CPQ: variants seen among roughly 807,000 people sequenced by gnomAD.
CPQ encodes the protein Ser-Met dipeptidase.
In CPQ, 37 loss-of-function variants were observed where a neutral mutation model predicts 45.7. The ratio of observed to expected loss-of-function variants is 0.81; its 90% CI spans 0.62 to 1.07. The LOEUF is 1.07. CPQ is among the 50% of genes least tolerant of loss of function. The pLI is 0.00. For missense variants in CPQ, 537 were observed against 572.9 expected, an observed-to-expected ratio of 0.94 and a Z score of 0.64; for synonymous variants, 186 against 205.8, an observed-to-expected ratio of 0.90 and a Z score of 0.82.
chr8:96,668,288 T>C (rs1343355552), intron 1 of CPQ, among the ~76,000 whole-genome samples: 1 of 152,218 alleles, frequency 6.6e-6, no homozygotes, highest in Non-Finnish European at 1.5e-5. Context: ...CAAGTTACCA[T>C]AATATATGTC....
intron 6 of CPQ, among the ~76,000 whole-genome samples, chr8:97,064,188 T>G (rs1367360711): frequency 6.6e-6 from 1 of 152,144 alleles, no homozygotes; most frequent in East Asian, 1.9e-4. Context: ...ATGGAAACCC[T>G]CACAAACAAG....
chr8:96,677,965 G>A (rs192208407), intron 1 of CPQ, among the ~76,000 whole-genome samples: 19 of 151,756 alleles, frequency 1.3e-4, no homozygotes, highest in Admixed American at 5.9e-4. Context: ...GCTTTGTTGC[G>A]GATCAGCACT....
chr8:97,049,349 G>A (rs1183814162), intron 6 of CPQ, among the ~76,000 whole-genome samples: 1 of 152,174 alleles, frequency 6.6e-6, no homozygotes, highest in Non-Finnish European at 1.5e-5. Context: ...AGACCCAAAG[G>A]ATGTCAAAGG....
intron 2 of CPQ, among the ~76,000 whole-genome samples, chr8:96,821,240 T>C (rs1320446809): frequency 6.6e-6 from 1 of 150,882 alleles, no homozygotes; most frequent in Non-Finnish European, 1.5e-5. Context: ...TCATTCTGTG[T>C]GTTGTCTTTT....
At chr8:96,747,739 C>G (rs1810209186) in intron 1 of CPQ, among the ~76,000 whole-genome samples, 1 of 152,140 alleles carries the variant, frequency 6.6e-6, no homozygotes, top group Non-Finnish European at 1.5e-5. Context: ...CAGACCATAG[C>G]CTTTGGAGTA....
At chr8:97,018,866 A>G (rs2130451535) in intron 5 of CPQ, among the ~76,000 whole-genome samples, 1 of 152,336 alleles carries the variant, frequency 6.6e-6, no homozygotes, top group Middle Eastern at 3.4e-3. Flanking sequence ...TCATCCAAAT[A>G]CAAGAAACTC....
chr8:96,913,574 T>C (rs528083161), intron 4 of CPQ, among the ~76,000 whole-genome samples: 43 of 152,312 alleles, frequency 2.8e-4, no homozygotes, highest in Admixed American at 1.0e-3. Context: ...TCAAGCTTTA[T>C]TGGATGATAG....
chr8:97,011,201 G>T (rs995146402), intron 5 of CPQ, among the ~76,000 whole-genome samples: 4 of 152,106 alleles, frequency 2.6e-5, no homozygotes, highest in African/African-American at 9.7e-5. Flanking sequence ...TTCCAATGTT[G>T]TTCAACTTCT....
At chr8:96,869,822 T>C (rs1054131727) in intron 3 of CPQ, among the ~76,000 whole-genome samples, 1 of 152,040 alleles carries the variant, frequency 6.6e-6, no homozygotes, top group Non-Finnish European at 1.5e-5. Flanking sequence ...AATAACTAAA[T>C]GGTAAAGTTA....
At chr8:96,936,753 G>C (rs992444703) in intron 4 of CPQ, among the ~76,000 whole-genome samples, 2 of 152,180 alleles carry the variant, frequency 1.3e-5, no homozygotes, top group Non-Finnish European at 2.9e-5. Context: ...CTGGGGAAGG[G>C]AGTATGGTCT....
Position 96,720,041 on chromosome 8 carries a change from A to T in CPQ, c.-34-64823A>T, listed in dbSNP as rs984597401. ...TGTATTGCTTCTTGGAGAAAAGTTC[A>T]CAGTGTGAATCTCTGTGCACTATTT... On this transcript the variant is annotated intron_variant, in intron 1 of 7. Coordinates refer to ENST00000220763, the MANE Select transcript of CPQ (RefSeq NM_016134.4). Among the ~76,000 whole-genome samples, 42 of 152,232 alleles carry T rather than the reference A, an allele frequency of 2.8e-4. 1 individual carries two copies.
In CPQ at chr8:96,964,951, G is replaced by A. The variant is rs1586470311; in HGVS notation, c.850-984G>A. ...ACTTGGTTTATAACTTGTTTGAAAT[G>A]TGTCCACAAAATTTAGTTTCAGTGA... On this transcript the variant is annotated intron_variant, in intron 4 of 7. Transcript: ENST00000220763. 4.6e-5 allele frequency among the ~76,000 whole-genome samples: 7 copies of A among 152,100 alleles called. 1 individual carries two copies. The highest frequency in any genetic ancestry group is 3.9e-4 in the Admixed American group (6 of 15,274).
intron 5 of CPQ, among the ~76,000 whole-genome samples, chr8:97,024,943 G>A (rs1240493644): frequency 1.3e-5 from 2 of 152,196 alleles, no homozygotes; most frequent in Admixed American, 1.3e-4. Context: ...TTAGATCACA[G>A]AAGGGAGAAT....
At chr8:97,021,051 C>T (rs553435824) in intron 5 of CPQ, among the ~76,000 whole-genome samples, 38 of 152,072 alleles carry the variant, frequency 2.5e-4, no homozygotes, top group African/African-American at 8.0e-4. Context: ...ATACCAGGGA[C>T]GCAGGAATGG....
intron 1 of CPQ, among the ~76,000 whole-genome samples, chr8:96,747,028 C>T (rs907610337): frequency 2.0e-5 from 3 of 152,092 alleles, no homozygotes; most frequent in Non-Finnish European, 1.5e-5. Context: ...CAGTGGCTCA[C>T]GCCTGTAATC....
chr8:96,843,213 G>A (rs2130854711), intron 3 of CPQ, among the ~76,000 whole-genome samples: 1 of 152,170 alleles, frequency 6.6e-6, no homozygotes, highest in East Asian at 1.9e-4. Flanking sequence ...GCCTTTTGTG[G>A]GGTTTAAAAG....
At chr8:97,027,759 C>A (rs1809826551) in intron 5 of CPQ, among the ~76,000 whole-genome samples, 3 of 152,162 alleles carry the variant, frequency 2.0e-5, no homozygotes, top group Non-Finnish European at 4.4e-5. Flanking sequence ...TTATTGGGCA[C>A]CTAATGTGTG....
intron 1 of CPQ, among the ~76,000 whole-genome samples, chr8:96,780,043 G>T (rs1192008456): frequency 6.6e-6 from 1 of 152,038 alleles, no homozygotes; most frequent in African/African-American, 2.4e-5. Context: ...TTATACTCTG[G>T]GAAGCTAAGA....
chr8:97,069,433 T>A (rs2513400), intron 7 of CPQ, among the ~76,000 whole-genome samples: 1 of 148,798 alleles, frequency 6.7e-6, no homozygotes, highest in Non-Finnish European at 1.5e-5. Context: ...GAGTTTAAGA[T>A]CAGCCTGGGC....
Sources: gnomAD v4.1 joint callset for allele counts (sites outside exome capture counted in the v4.1 genomes callset) on GRCh38, gnomAD v4.1.1 for gene constraint, MANE v1.5 for transcripts, NCBI Gene and HGNC (gene_info 2026-07-23, HGNC 2026-07-21) for gene names.